Variants in KCNIP4 observed in about 807,000 individuals in gnomAD.
The protein encoded by KCNIP4 is Kv channel-interacting protein 4.
A neutral mutation model predicts 34.0 loss-of-function variants in KCNIP4; 12 were observed. That is an observed-to-expected ratio of 0.35 (90% confidence interval 0.23 to 0.57). The LOEUF (loss-of-function observed/expected upper bound fraction) is 0.57. Among genes scored for constraint, KCNIP4 ranks in the 20% least tolerant of loss-of-function variants. The probability of loss-of-function intolerance (pLI) is 0.83; values close to 1 mark genes in which losing one functional copy is unlikely to be tolerated. For synonymous variants in KCNIP4, 124 were observed against 102.2 expected (o/e 1.21, Z -1.29); for missense variants, 238 against 311.7 (o/e 0.76, Z 1.78).
At chr4:21,750,169 TG>T (rs1416066315) in intron 1 of KCNIP4, among the ~76,000 whole-genome samples, 25 of 152,268 alleles carry the variant, frequency 1.6e-4, no homozygotes, top group African/African-American at 5.5e-4. Context: ...TGAATCACTT[TG>T]TAGCCACTGG....
At chr4:21,814,778 A>G (rs1721892583) in intron 1 of KCNIP4, among the ~76,000 whole-genome samples, 2 of 152,164 alleles carry the variant, frequency 1.3e-5, no homozygotes, top group South Asian at 4.1e-4. Flanking sequence ...TCAGACTAAG[A>G]GGGCAGGTAA....
At chr4:21,897,669 GAATGAA>G (rs1727475534) in intron 1 of KCNIP4, among the ~76,000 whole-genome samples, 1 of 152,044 alleles carries the variant, frequency 6.6e-6, no homozygotes, top group African/African-American at 2.4e-5. Flanking sequence ...GGACTTCCAG[GAATGAA>G]AATGAAACAC....
chr4:21,132,488 T>C (rs1751141570), intron 1 of KCNIP4, among the ~76,000 whole-genome samples: 1 of 152,214 alleles, frequency 6.6e-6, no homozygotes, highest in Admixed American at 6.5e-5. Flanking sequence ...TTAACTTTGA[T>C]CTAGATTATT....
chr4:20,747,734 C>T, intron 5 of KCNIP4, among the ~76,000 whole-genome samples: 1 of 152,110 alleles, frequency 6.6e-6, no homozygotes, highest in East Asian at 1.9e-4. Context: ...GGCCCAGAAT[C>T]TTCGCAGTTG....
At chr4:20,979,971 A>T (rs560197673) in intron 1 of KCNIP4, among the ~76,000 whole-genome samples, 2 of 152,298 alleles carry the variant, frequency 1.3e-5, no homozygotes, top group South Asian at 4.1e-4. Context: ...TTAGATTCAC[A>T]GCTCAATTTC....
At chr4:21,805,390 A>G (rs759583079) in intron 1 of KCNIP4, among the ~76,000 whole-genome samples, 64 of 152,050 alleles carry the variant, frequency 4.2e-4, no homozygotes, top group Non-Finnish European at 7.1e-4. Context: ...GCTCTGGTGC[A>G]CTACCAGAGC....
chr4:21,697,787 AC>A, intron 1 of KCNIP4: 2 of 464,206 alleles, frequency 4.3e-6, no homozygotes. Flanking sequence ...AACCTCACAG[AC>A]CATTCAGAGG....
intron 1 of KCNIP4, among the ~76,000 whole-genome samples, chr4:21,400,457 T>C (rs1193271289): frequency 1.1e-5 from 1 of 95,148 alleles, no homozygotes; most frequent in Non-Finnish European, 1.9e-5. Context: ...TTCCTATTTT[T>C]CTTTCTGTTC....
At chr4:21,384,614 T>C (rs965715506) in intron 1 of KCNIP4, among the ~76,000 whole-genome samples, 3 of 152,322 alleles carry the variant, frequency 2.0e-5, no homozygotes, top group Admixed American at 2.0e-4. Context: ...TAAGAACACA[T>C]TGAACATTTA....
chr4:20,976,001 A>G (rs1214425145), intron 1 of KCNIP4, among the ~76,000 whole-genome samples: 1 of 152,202 alleles, frequency 6.6e-6, no homozygotes, highest in African/African-American at 2.4e-5. Flanking sequence ...AGGAGTTGTG[A>G]CAGACTGCAT....
chr4:21,087,665 C>T (rs1746590160), intron 1 of KCNIP4, among the ~76,000 whole-genome samples: 1 of 152,132 alleles, frequency 6.6e-6, no homozygotes, highest in African/African-American at 2.4e-5. Flanking sequence ...TTTTCTCACT[C>T]ACTTCACAAC....
chr4:20,859,222 G>A (rs201390226), intron 2 of KCNIP4, among the ~76,000 whole-genome samples: 1 of 67,858 alleles, frequency 1.5e-5, no homozygotes, highest in Non-Finnish European at 3.5e-5. Context: ...ACAGGAAACT[G>A]TTTGTTTTTC....
At chr4:21,927,807 C>T (rs143193078) in intron 1 of KCNIP4, among the ~76,000 whole-genome samples, 14 of 152,096 alleles carry the variant, frequency 9.2e-5, no homozygotes, top group East Asian at 3.9e-4. Flanking sequence ...GTCAGATGGA[C>T]GTTAAATCCA....
At chr4:21,778,194 T>C (rs974010677) in intron 1 of KCNIP4, among the ~76,000 whole-genome samples, 18 of 151,432 alleles carry the variant, frequency 1.2e-4, no homozygotes, top group Non-Finnish European at 4.4e-5. Context: ...TTGTATGTTT[T>C]ATTTTTATTT....
chr4:21,072,392 A>G, intron 1 of KCNIP4, among the ~76,000 whole-genome samples: 1 of 152,188 alleles, frequency 6.6e-6, no homozygotes, highest in East Asian at 1.9e-4. Context: ...TCTGATGGCC[A>G]GTGATGATGA....
intron 1 of KCNIP4, among the ~76,000 whole-genome samples, chr4:21,899,216 G>A (rs1453237982): frequency 6.6e-6 from 1 of 152,010 alleles, no homozygotes; most frequent in Non-Finnish European, 1.5e-5. Context: ...TCCAAAAAAG[G>A]CATTTGATAC....
In KCNIP4 at chr4:21,777,535, A is replaced by T. The variant is rs560835253; in HGVS notation, c.61+171036T>A. Among the ~76,000 whole-genome samples, 7 of 152,324 alleles carry T rather than the reference A, an allele frequency of 4.6e-5. 1 individual carries two copies. In the South Asian group the frequency reaches 1.5e-3, roughly 32 times the overall value. On this transcript the variant is annotated intron_variant, in intron 1 of 8. Coordinates refer to ENST00000382152, the MANE Select transcript of KCNIP4 (RefSeq NM_025221.6). Reference sequence around the variant, plus strand: ...GAAACTGCACAATTTTTACAGTAGGACACAATGGTGAATAACTTACATTAC... The same window carrying T: ...GAAACTGCACAATTTTTACAGTAGGTCACAATGGTGAATAACTTACATTAC...
intron 1 of KCNIP4, among the ~76,000 whole-genome samples, chr4:21,287,752 G>A (rs1487283509): frequency 1.3e-5 from 2 of 152,090 alleles, no homozygotes; most frequent in Non-Finnish European, 2.9e-5. Context: ...CCTACATAAA[G>A]ACTAATTAGG....
chr4:21,349,607 C>A (rs1717807776), intron 1 of KCNIP4, among the ~76,000 whole-genome samples: 1 of 152,054 alleles, frequency 6.6e-6, no homozygotes, highest in Non-Finnish European at 1.5e-5. Context: ...GGGGCCCTTA[C>A]AAATAATTGG....
Sources: allele counts gnomAD v4.1 joint callset (sites outside exome capture counted in the v4.1 genomes callset), GRCh38; gene constraint gnomAD v4.1.1; transcripts MANE v1.5; gene names NCBI Gene and HGNC (gene_info 2026-07-23, HGNC 2026-07-21).